NCOA2: variants seen among roughly 807,000 people sequenced by gnomAD.
The protein encoded by NCOA2 is class E basic helix-loop-helix protein 75.
A neutral mutation model predicts 145.1 loss-of-function variants in NCOA2; 21 were observed. The ratio of observed to expected loss-of-function variants is 0.14; its 90% confidence interval spans 0.10 to 0.21. The LOEUF (loss-of-function observed/expected upper bound fraction) is 0.21. Ranked by LOEUF, NCOA2 falls within the 10% of genes least tolerant of loss-of-function variation. The pLI, the probability that NCOA2 is intolerant of heterozygous loss-of-function variation, is 1.00. For synonymous variants in NCOA2, 619 were observed against 637.5 expected, an observed-to-expected ratio of 0.97 and a Z score of 0.44; for missense variants, 1,472 against 1,837.6, an observed-to-expected ratio of 0.80 and a Z score of 3.64.
At chr8:70,247,082 A>G (rs189025653) in intron 2 of NCOA2, among the ~76,000 whole-genome samples, 34 of 152,254 alleles carry the variant, frequency 2.2e-4, no homozygotes, top group Non-Finnish European at 4.9e-4. Context: ...AGTTTACTCT[A>G]ATTAACCACT....
chr8:70,321,908 C>A (rs1806117706), intron 1 of NCOA2, among the ~76,000 whole-genome samples: 1 of 144,824 alleles, frequency 6.9e-6, no homozygotes, highest in Non-Finnish European at 1.5e-5. Flanking sequence ...GCGGGGGGAT[C>A]ACCTGAGGTC....
At chr8:70,223,110 A>G (rs994676039) in intron 2 of NCOA2, among the ~76,000 whole-genome samples, 4 of 152,206 alleles carry the variant, frequency 2.6e-5, no homozygotes, top group African/African-American at 9.7e-5. Context: ...CTCCCCTTCA[A>G]GCAGAGTGTA....
intron 2 of NCOA2, among the ~76,000 whole-genome samples, chr8:70,235,714 C>T (rs1821536476): frequency 6.6e-6 from 1 of 152,108 alleles, no homozygotes; most frequent in Non-Finnish European, 1.5e-5. Flanking sequence ...CATCGTGGTG[C>T]ACACCTGTAG....
intron 22 of NCOA2, among the ~76,000 whole-genome samples, chr8:70,120,016 C>T (rs1807617321): frequency 6.6e-6 from 1 of 152,012 alleles, no homozygotes; most frequent in African/African-American, 2.4e-5. Flanking sequence ...ACTACAGGCA[C>T]GTGCCACCAC....
intron 1 of NCOA2, among the ~76,000 whole-genome samples, chr8:70,362,720 T>C (rs186045009): frequency 1.2e-4 from 18 of 152,310 alleles, no homozygotes; most frequent in African/African-American, 4.1e-4. Flanking sequence ...CACAATGGCA[T>C]AGCTACTTTG....
chr8:70,254,052 C>A (rs1283955074), intron 2 of NCOA2, among the ~76,000 whole-genome samples: 1 of 152,030 alleles, frequency 6.6e-6, no homozygotes, highest in Non-Finnish European at 1.5e-5. Context: ...TAGCAAAAAA[C>A]AAGGAATCTG....
intron 11 of NCOA2, among the ~76,000 whole-genome samples, chr8:70,150,169 C>T (rs749906828): frequency 6.6e-6 from 1 of 152,194 alleles, no homozygotes; most frequent in Non-Finnish European, 1.5e-5. Flanking sequence ...AGAGCAATTA[C>T]AAGACCATTT....
At chr8:70,345,011 C>T (rs1040963209) in intron 1 of NCOA2, among the ~76,000 whole-genome samples, 5 of 152,278 alleles carry the variant, frequency 3.3e-5, no homozygotes, top group African/African-American at 1.2e-4. Context: ...CCAAATTCCT[C>T]AATCACGCCT....
At chr8:70,174,520 G>A (rs144906914) in intron 5 of NCOA2, among the ~76,000 whole-genome samples, 2 of 152,252 alleles carry the variant, frequency 1.3e-5, no homozygotes, top group African/African-American at 4.8e-5. Context: ...ATTACAACTT[G>A]TCAATGTCTA....
chr8:70,302,700 T>C (rs1827599251), intron 1 of NCOA2, among the ~76,000 whole-genome samples: 1 of 152,220 alleles, frequency 6.6e-6, no homozygotes, highest in Admixed American at 6.5e-5. Context: ...AATCTTAAGA[T>C]GTTCTTTTGT....
At chr8:70,134,637 G>A (rs749034488) in intron 15 of NCOA2, among the ~76,000 whole-genome samples, 17 of 152,136 alleles carry the variant, frequency 1.1e-4, no homozygotes, top group Non-Finnish European at 2.1e-4. Context: ...GCACTGTCTC[G>A]TGCCTTTGTA....
chr8:70,218,522 C>T (rs1414925363), intron 2 of NCOA2, among the ~76,000 whole-genome samples: 1 of 152,092 alleles, frequency 6.6e-6, no homozygotes, highest in Non-Finnish European at 1.5e-5. Context: ...TTTAGCTATG[C>T]GAGGCTCACT....
At chr8:70,259,083 T>A (rs1047663257) in intron 2 of NCOA2, among the ~76,000 whole-genome samples, 3 of 152,164 alleles carry the variant, frequency 2.0e-5, no homozygotes, top group African/African-American at 7.2e-5. Flanking sequence ...ATGCTTTCCA[T>A]CCTTACATTT....
At chr8:70,304,848 G>T (rs1246306239) in intron 1 of NCOA2, among the ~76,000 whole-genome samples, 1 of 144,810 alleles carries the variant, frequency 6.9e-6, no homozygotes, top group Non-Finnish European at 1.5e-5. Flanking sequence ...TGGACCAGAA[G>T]TAACTAGCTT....
chr8:70,267,733 A>T (rs528135219), intron 2 of NCOA2, among the ~76,000 whole-genome samples: 1 of 152,322 alleles, frequency 6.6e-6, no homozygotes, highest in East Asian at 1.9e-4. Flanking sequence ...AAAATATTTG[A>T]ATTACATATT....
At chr8:70,407,901 A>G (rs1435591426), upstream of NCOA2, among the ~76,000 whole-genome samples, 1 of 152,170 alleles carries the variant, frequency 6.6e-6, no homozygotes, top group Non-Finnish European at 1.5e-5. Flanking sequence ...TGATCCCCTC[A>G]GTCTTATTTT....
At chr8:70,172,462 T>G (rs770326414) in intron 5 of NCOA2, among the ~76,000 whole-genome samples, 4 of 152,228 alleles carry the variant, frequency 2.6e-5, no homozygotes, top group Non-Finnish European at 5.9e-5. Flanking sequence ...TCTCTCAAAT[T>G]AGAACTGACC....
At chr8:70,386,383 G>A (rs986152135) in intron 1 of NCOA2, among the ~76,000 whole-genome samples, 1 of 152,030 alleles carries the variant, frequency 6.6e-6, no homozygotes, top group Non-Finnish European at 1.5e-5. Flanking sequence ...TTTTACAAAA[G>A]GCTGCCTTAA....
In NCOA2 at chr8:70,257,619, C is replaced by T. The variant is rs142057650; in HGVS notation, c.-20+39125G>A. ...TGTGCTTTGCTAAACTAAGGCAGCA[C>T]GCCTCACATCGCTACTGCCAAAACC... is the stretch of plus-strand genomic sequence containing the variant. On this transcript the variant is annotated intron_variant, in intron 2 of 22. Coordinates refer to ENST00000452400, the MANE Select transcript of NCOA2 (RefSeq NM_006540.4). Among the ~76,000 whole-genome samples the T allele has an allele frequency of 7.6e-3, 1,162 of 152,262 alleles. 19 individuals are homozygous for T. The highest frequency in any genetic ancestry group is 9.4e-3 in the Non-Finnish European group (642 of 68,014).
Sources: allele counts gnomAD v4.1 joint callset (sites outside exome capture counted in the v4.1 genomes callset), GRCh38; gene constraint gnomAD v4.1.1; transcripts MANE v1.5; gene names NCBI Gene and HGNC (gene_info 2026-07-23, HGNC 2026-07-21).